The following KLHL32 variants were observed in gnomAD, a reference collection of about 807,000 sequenced individuals.
KLHL32 encodes the protein kelch-like protein 32.
In KLHL32, 35 loss-of-function variants were observed where a neutral mutation model predicts 64.8. That is an observed-to-expected ratio of 0.54 (90% CI 0.41 to 0.72). KLHL32 has a LOEUF of 0.72. Among genes scored for constraint, KLHL32 ranks in the 30% least tolerant of loss-of-function variants. The probability of loss-of-function intolerance (pLI) is 0.00; values close to 1 mark genes in which losing one functional copy is unlikely to be tolerated. For synonymous variants in KLHL32, 259 were observed against 281.0 expected, an observed-to-expected ratio of 0.92 and a Z score of 0.78; for missense variants, 589 against 768.5, an observed-to-expected ratio of 0.77 and a Z score of 2.76.
rs200244221 is a variant in KLHL32 at position 96,988,095 on chromosome 6, A to T, written c.204+11918A>T. Among the ~76,000 whole-genome samples the T allele has an allele frequency of 8.1e-4, 120 of 148,872 alleles. No individual in the cohort carries two copies. In the Middle Eastern group the frequency reaches 0.017, roughly 21 times the overall value. ...AAGCAATGGCAACAAAAGCCAAAAT[A>T]GACAAATGGGATCTAATTAAACTAA... On this transcript the variant is annotated intron_variant, in intron 3 of 10. Transcript: ENST00000369261.
In KLHL32 at chr6:97,098,640, C is replaced by T. The variant is rs548893299; in HGVS notation, c.627+13299C>T. Among the ~76,000 whole-genome samples, 329 of 152,200 alleles carry T rather than the reference C, an allele frequency of 2.2e-3. 1 individual carries two copies. Among genetic ancestry groups the T allele is most frequent in the African/African-American group, 7.7e-3 (318 of 41,548 alleles). On this transcript the variant is annotated intron_variant, in intron 6 of 10. Coordinates refer to ENST00000369261, the MANE Select transcript of KLHL32 (RefSeq NM_052904.4). ...CAAAAATGAATTAAGTCATTGAATC[C>T]AGTTGCTGTTTTAATGCAGCCCTTA...
rs1157721755 is a variant in KLHL32, at chr6:97,047,023, A to G, written c.312+5424A>G. On this transcript the variant is annotated intron_variant, in intron 4 of 10. Coordinates refer to ENST00000369261, the MANE Select transcript of KLHL32 (RefSeq NM_052904.4). ...GAAAATTGTTGCTGTCTTGGAGAGA[A>G]ATTGGAAGTATAGAGTGGGAGTGAT... Among the ~76,000 whole-genome samples, 5 of 152,314 alleles carry G rather than the reference A, an allele frequency of 3.3e-5. No individual in the cohort carries two copies. The East Asian group carries it at 7.7e-4, about 23-fold the overall frequency.
chr6:96,949,877 CT>C (rs1772361218), intron 1 of KLHL32, among the ~76,000 whole-genome samples: 2 of 152,102 alleles, frequency 1.3e-5, no homozygotes, highest in Admixed American at 1.3e-4. Flanking sequence ...AATTTACTGA[CT>C]TAAAAATTTT....
chr6:96,962,634 A>G (rs1562195512), intron 1 of KLHL32, among the ~76,000 whole-genome samples: 1 of 152,218 alleles, frequency 6.6e-6, no homozygotes, highest in South Asian at 2.1e-4. Context: ...GCAAATCACT[A>G]CATGATTCAT....
chr6:97,121,448 G>A (rs1015652175), intron 7 of KLHL32, among the ~76,000 whole-genome samples: 1 of 152,022 alleles, frequency 6.6e-6, no homozygotes, highest in African/African-American at 2.4e-5. Flanking sequence ...TCTTCTCAGG[G>A]GTGAGAAGAG....
intron 6 of KLHL32, among the ~76,000 whole-genome samples, chr6:97,086,045 A>G (rs1793366023): frequency 6.6e-6 from 1 of 152,226 alleles, no homozygotes; most frequent in Admixed American, 6.5e-5. Context: ...GGGAATAGTC[A>G]GAGAGCCTAT....
chr6:97,127,523 T>C (rs959156182), intron 8 of KLHL32, 61 bp downstream of exon 8: 17 of 1,332,690 alleles, frequency 1.3e-5, no homozygotes, highest in Non-Finnish European at 1.8e-5. Context: ...GATTCCAGAG[T>C]AATTAGTAAT....
intron 1 of KLHL32, among the ~76,000 whole-genome samples, chr6:96,964,540 C>T (rs957743982): frequency 6.6e-5 from 10 of 152,136 alleles, no homozygotes; most frequent in African/African-American, 9.7e-5. Context: ...GTAGTCCCAG[C>T]TACTCAGGAG....
At chr6:97,114,531 A>C in intron 7 of KLHL32, 22 bp downstream of exon 7, 1 of 1,611,226 alleles carries the variant, frequency 6.2e-7, no homozygotes, top group African/African-American at 1.3e-5. Flanking sequence ...CTCATGTTGG[A>C]TTTATCAAAA....
chr6:96,923,994 G>T (rs1411575), upstream of KLHL32, among the ~76,000 whole-genome samples: 1 of 152,186 alleles, frequency 6.6e-6, no homozygotes, highest in Non-Finnish European at 1.5e-5. Context: ...TGTGGTTGTT[G>T]TCTGTTTGCG....
the KLHL32 span, among the ~76,000 whole-genome samples, chr6:96,899,242 C>A: frequency 2.0e-5 from 3 of 152,104 alleles, no homozygotes; most frequent in Non-Finnish European, 1.5e-5. Flanking sequence ...GGAAGTTATC[C>A]TGAAGGTGGC....
intron 4 of KLHL32, among the ~76,000 whole-genome samples, chr6:97,046,562 C>T (rs1369526503): frequency 6.6e-6 from 1 of 152,102 alleles, no homozygotes; most frequent in Admixed American, 6.5e-5. Context: ...CTCTTTGCCA[C>T]AGAGTAGAAG....
chr6:96,954,312 ATTTTTT>A (rs71012579), intron 1 of KLHL32, among the ~76,000 whole-genome samples: 65 of 89,446 alleles, frequency 7.3e-4, no homozygotes, highest in South Asian at 1.8e-3. Context: ...CTTTCCTTCA[ATTTTTT>A]TTTTTTTTTT....
At position 97,039,533 on chromosome 6, in the gene KLHL32, A is replaced by G. The variant is rs777838649; in HGVS notation, c.205-1959A>G. Among the ~76,000 whole-genome samples, 5 of 105,084 alleles carry G rather than the reference A, an allele frequency of 4.8e-5. 1 individual carries two copies. Among genetic ancestry groups the G allele is most frequent in the Non-Finnish European group, 1.0e-4 (5 of 50,108 alleles). 68.9% of individuals were successfully genotyped at this position (105,084 alleles called of 152,430 possible). A position where few individuals can be genotyped will look rare whatever the true frequency, so the allele number is the denominator to read the frequency against. ...ATCTATTGTACACTTGAAAATAGCTAGAAGACAGCCGGGCGCAGTGGTTCA... is the reference window on the plus strand; with the variant it reads ...ATCTATTGTACACTTGAAAATAGCTGGAAGACAGCCGGGCGCAGTGGTTCA... On this transcript the variant is annotated intron_variant, in intron 3 of 10. Coordinates refer to ENST00000369261, the MANE Select transcript of KLHL32 (RefSeq NM_052904.4).
chr6:97,028,688 AGT>A (rs1783077118), intron 3 of KLHL32, among the ~76,000 whole-genome samples: 1 of 152,182 alleles, frequency 6.6e-6, no homozygotes, highest in South Asian at 2.1e-4. Flanking sequence ...TGTCCTTAGA[AGT>A]TTGTGAAGAG....
intron 1 of KLHL32, among the ~76,000 whole-genome samples, chr6:96,929,944 A>G (rs1484230054): frequency 6.6e-6 from 1 of 152,208 alleles, no homozygotes; most frequent in Non-Finnish European, 1.5e-5. Flanking sequence ...TGAAGAAGAA[A>G]TGTCTTTGGC....
At position 97,114,521 on chromosome 6, in the gene KLHL32, C is replaced by T; in HGVS notation, c.1354+12C>T. The T allele has an allele frequency of 6.2e-7, 1 of 1,612,344 alleles. No individual in the cohort carries two copies. Among genetic ancestry groups the T allele is most frequent in the Non-Finnish European group, 8.5e-7 (1 of 1,179,890 alleles). The stretch of plus-strand genomic sequence containing the variant: ...TCTTTGGATATCAGGTAGAACATAC[C>T]TCATGTTGGATTTATCAAAACACAC... On this transcript the variant is annotated intron_variant, in intron 7 of 10. Transcript: ENST00000369261.
intron 3 of KLHL32, among the ~76,000 whole-genome samples, chr6:97,038,141 A>G (rs1212903977): frequency 1.3e-5 from 2 of 152,158 alleles, no homozygotes; most frequent in South Asian, 2.1e-4. Flanking sequence ...GACCCCAAAA[A>G]CACAGGCAAC....
At chr6:96,931,691 A>G (rs958502363) in intron 1 of KLHL32, among the ~76,000 whole-genome samples, 3 of 152,226 alleles carry the variant, frequency 2.0e-5, no homozygotes, top group African/African-American at 7.2e-5. Flanking sequence ...TGATTGTTAA[A>G]GACAGAAAAT....
Sources: gnomAD v4.1 joint callset for allele counts (sites outside exome capture counted in the v4.1 genomes callset) on GRCh38, gnomAD v4.1.1 for gene constraint, MANE v1.5 for transcripts, NCBI Gene and HGNC (gene_info 2026-07-23, HGNC 2026-07-21) for gene names.